The following PRDM10 variants were observed in gnomAD, a reference collection of about 807,000 sequenced individuals.
PRDM10 encodes PR/SET domain 10, also known as PR domain zinc finger protein 10.
A neutral mutation model predicts 133.1 loss-of-function variants in PRDM10; 65 were observed. The ratio of observed to expected loss-of-function variants is 0.49; its 90% CI spans 0.40 to 0.60. The LOEUF (loss-of-function observed/expected upper bound fraction) is 0.60. Ranked by LOEUF, PRDM10 falls within the 20% of genes least tolerant of loss-of-function variation. PRDM10 has a pLI of 0.00. For missense variants in PRDM10, 1,137 were observed against 1,507.1 expected, an observed-to-expected ratio of 0.75 and a Z score of 4.07; for synonymous variants, 582 against 580.4, an observed-to-expected ratio of 1.00 and a Z score of -0.04.
chr11:129,931,617 G>T (rs573795348), intron 10 of PRDM10, among the ~76,000 whole-genome samples: 3 of 148,280 alleles, frequency 2.0e-5, no homozygotes, highest in Non-Finnish European at 4.4e-5. Context: ...CCCCAGGCTG[G>T]AGTGCAGTGG....
chr11:129,917,379 C>A (rs111996702), intron 14 of PRDM10, 142 bp from the exon 15 acceptor site: 48 of 628,450 alleles, frequency 7.6e-5, no homozygotes, highest in African/African-American at 6.8e-4. Flanking sequence ...TGGCCAGAAC[C>A]AGGATCACCA....
At chr11:129,971,355 G>GTGC (rs1202485219) in intron 1 of PRDM10, among the ~76,000 whole-genome samples, 2 of 152,290 alleles carry the variant, frequency 1.3e-5, no homozygotes, top group Admixed American at 6.5e-5. Flanking sequence ...TTTTGACAGG[G>GTGC]TGCTGATTGG....
At position 129,932,340 on chromosome 11, in the gene PRDM10, A is replaced by G. The variant is rs145385606; in HGVS notation, c.1158-109T>C. On this transcript the variant is annotated intron_variant, in intron 9 of 20. Transcript: ENST00000360871. ...CCCAGAGTTTGATTCCTCTCACCTT[A>G]TTACTTTCCCAGATTTTCTCCAATA... 4.5e-6 allele frequency: 6 copies of G among 1,341,072 alleles called. No individual in the cohort carries two copies. The East Asian group carries it at 1.0e-4, about 23-fold the overall frequency. The allele number at this position is 1,341,072 out of a possible 1,614,324, so 83.1% of individuals were successfully genotyped here. A position where few individuals can be genotyped will look rare whatever the true frequency, so the allele number is the denominator to read the frequency against.
chr11:129,968,486 G>A (rs1951950130), intron 1 of PRDM10, among the ~76,000 whole-genome samples: 1 of 152,108 alleles, frequency 6.6e-6, no homozygotes, highest in African/African-American at 2.4e-5. Flanking sequence ...TGGGACCAGG[G>A]AACAGCCCAG....
chr11:129,976,246 G>A (rs373950048), intron 1 of PRDM10, among the ~76,000 whole-genome samples: 1 of 152,114 alleles, frequency 6.6e-6, no homozygotes, highest in East Asian at 1.9e-4. Context: ...CACCTTGGGT[G>A]TTGCTCCATG....
chr11:129,962,312 C>G (rs1951811858), intron 1 of PRDM10, among the ~76,000 whole-genome samples: 1 of 152,112 alleles, frequency 6.6e-6, no homozygotes, highest in African/African-American at 2.4e-5. Flanking sequence ...GAATAAAGAC[C>G]AAAGAAGAAA....
At chr11:129,943,421 T>C (rs1267868318) in intron 6 of PRDM10, among the ~76,000 whole-genome samples, 1 of 152,258 alleles carries the variant, frequency 6.6e-6, no homozygotes, top group African/African-American at 2.4e-5. Flanking sequence ...GGCTGAACTG[T>C]GTCTTTCTCA....
chr11:129,997,183 A>G (rs991015711), intron 1 of PRDM10, among the ~76,000 whole-genome samples: 7 of 152,216 alleles, frequency 4.6e-5, no homozygotes, highest in Non-Finnish European at 1.0e-4. Flanking sequence ...TGTGTTTAAA[A>G]GGACAGTTCT....
chr11:129,942,749 C>T, intron 6 of PRDM10, 120 bp from the exon 7 acceptor site: 1 of 891,636 alleles, frequency 1.1e-6, no homozygotes, highest in South Asian at 1.8e-5. Context: ...TGGCTCTTTC[C>T]TTTGTATCTG....
chr11:129,984,195 G>A (rs1047035865), intron 1 of PRDM10, among the ~76,000 whole-genome samples: 2 of 152,150 alleles, frequency 1.3e-5, no homozygotes, highest in Non-Finnish European at 1.5e-5. Context: ...TGTCCTCACC[G>A]CACTCGCTCA....
At chr11:129,914,676 G>A (rs751518878) in intron 17 of PRDM10, 28 bp downstream of exon 17, 11 of 1,613,638 alleles carry the variant, frequency 6.8e-6, no homozygotes, top group South Asian at 1.1e-5. Context: ...GCATTCATAA[G>A]GCAAAGGGAA....
chr11:129,965,245 A>G (rs1474940666), intron 1 of PRDM10, among the ~76,000 whole-genome samples: 2 of 149,880 alleles, frequency 1.3e-5, no homozygotes, highest in Non-Finnish European at 3.0e-5. Flanking sequence ...TGTCTCAAAG[A>G]AAAAAAAAAC....
rs868437012 is a variant in PRDM10, at chr11:129,984,201, G to A, written c.-119+18521C>T. Among the ~76,000 whole-genome samples the A allele has an allele frequency of 1.6e-4, 24 of 152,250 alleles. 1 individual carries two copies. In the South Asian group the frequency reaches 4.6e-3, roughly 29 times the overall value. On this transcript the variant is annotated intron_variant, in intron 1 of 20. Coordinates refer to ENST00000360871, the MANE Select transcript of PRDM10 (RefSeq NM_199437.2). ...TCAGCACCCTGTCCTCACCGCACTC[G>A]CTCAGCGGAGGTGGCCTTCCCACTG...
intron 1 of PRDM10, among the ~76,000 whole-genome samples, chr11:129,999,532 G>A (rs978050023): frequency 1.3e-5 from 2 of 152,134 alleles, no homozygotes; most frequent in African/African-American, 2.4e-5. Flanking sequence ...AGTGGCAATA[G>A]GTCAAAGTAC....
chr11:129,905,863 A>T, intron 19 of PRDM10, 122 bp from the exon 20 acceptor site: 1 of 814,494 alleles, frequency 1.2e-6, no homozygotes, highest in Non-Finnish European at 2.0e-6. Context: ...TCTCACAATG[A>T]TGTGATTTCT....
chr11:129,900,265 G>A lies in PRDM10; in HGVS notation c.*2048C>T, dbSNP rs1347725182. ...AGAATACCTGATCTGAAAGCCATGC[G>A]ATTTGGCTCGACTGCCATCCGCATC... On this transcript the variant is annotated 3_prime_UTR_variant, in exon 21 of 21. Transcript: ENST00000360871. 5 of 152,138 alleles carry A rather than the reference G, an allele frequency of 3.3e-5. No individual in the cohort carries two copies. The highest frequency in any genetic ancestry group is 4.8e-5 in the African/African-American group (2 of 41,414). The allele number at this position is 152,138 out of a possible 1,614,324, so 9.4% of individuals were successfully genotyped here.
At chr11:129,924,483 G>A (rs1339971732) in intron 12 of PRDM10, among the ~76,000 whole-genome samples, 1 of 152,152 alleles carries the variant, frequency 6.6e-6, no homozygotes, top group African/African-American at 2.4e-5. Flanking sequence ...CTTCCAAAAT[G>A]TATGGCCTTG....
intron 1 of PRDM10, among the ~76,000 whole-genome samples, chr11:129,963,625 CTT>C (rs141348161): frequency 0.011 from 1,632 of 152,170 alleles, 21 homozygotes; most frequent in African/African-American, 0.028. Context: ...CCCTCTTTCT[CTT>C]TCTTTCCCTC....
intron 4 of PRDM10, among the ~76,000 whole-genome samples, chr11:129,948,930 A>G (rs1298519520): frequency 6.6e-6 from 1 of 152,194 alleles, no homozygotes; most frequent in East Asian, 1.9e-4. Context: ...ATAGAGTGCT[A>G]TTAAACCATT....
Sources: gnomAD v4.1 joint callset for allele counts (sites outside exome capture counted in the v4.1 genomes callset) on GRCh38, gnomAD v4.1.1 for gene constraint, MANE v1.5 for transcripts, NCBI Gene and HGNC (gene_info 2026-07-23, HGNC 2026-07-21) for gene names.